The following SLC14A2 variants were observed in gnomAD, a reference collection of about 807,000 sequenced individuals.
SLC14A2 encodes solute carrier family 14 member 2.
In SLC14A2, 91 loss-of-function variants were observed where a neutral mutation model predicts 104.6. The observed-to-expected ratio is 0.87, with a 90% CI of 0.73 to 1.04. The LOEUF (loss-of-function observed/expected upper bound fraction) is 1.04, where lower values mean the gene tolerates loss of function less well. Ranked by LOEUF, SLC14A2 falls within the 50% of genes least tolerant of loss-of-function variation. The pLI is 0.00. For synonymous variants in SLC14A2, 476 were observed against 466.4 expected (o/e 1.02, Z -0.27); for missense variants, 1,189 against 1,156.0 (o/e 1.03, Z -0.41).
At chr18:45,237,528 T>G (rs1005472314) in intron 1 of SLC14A2, among the ~76,000 whole-genome samples, 3 of 152,214 alleles carry the variant, frequency 2.0e-5, no homozygotes, top group Admixed American at 1.3e-4. Context: ...CTCCCCATTC[T>G]CATGCCTCTG....
intron 2 of SLC14A2, among the ~76,000 whole-genome samples, chr18:45,499,398 G>T (rs997368062): frequency 6.6e-6 from 1 of 152,128 alleles, no homozygotes; most frequent in Non-Finnish European, 1.5e-5. Context: ...GTGAGTGCTC[G>T]ACATTCAGAG....
At chr18:45,378,220 A>G (rs2085796168) in intron 1 of SLC14A2, among the ~76,000 whole-genome samples, 1 of 116,504 alleles carries the variant, frequency 8.6e-6, no homozygotes, top group East Asian at 2.0e-4. Flanking sequence ...AGTATTTAGC[A>G]TAGTGTAAAG....
intron 1 of SLC14A2, among the ~76,000 whole-genome samples, chr18:45,362,560 C>G (rs561071731): frequency 6.6e-6 from 1 of 152,304 alleles, no homozygotes; most frequent in African/African-American, 2.4e-5. Context: ...AGTCACACAA[C>G]TAGATGGTGG....
chr18:45,226,987 CCTT>C (rs1303791818), intron 1 of SLC14A2, among the ~76,000 whole-genome samples: 3 of 152,106 alleles, frequency 2.0e-5, no homozygotes, highest in Non-Finnish European at 4.4e-5. Context: ...ATGCTCAGCA[CCTT>C]CTTGTCACAA....
At chr18:45,429,507 G>T (rs2086482106) in intron 1 of SLC14A2, among the ~76,000 whole-genome samples, 1 of 152,192 alleles carries the variant, frequency 6.6e-6, no homozygotes, top group Non-Finnish European at 1.5e-5. Flanking sequence ...AAGCCTTGAG[G>T]AAGAAATCTA....
the SLC14A2 span, among the ~76,000 whole-genome samples, chr18:45,172,566 T>C: frequency 2.0e-5 from 3 of 152,126 alleles, no homozygotes; most frequent in East Asian, 5.8e-4. Context: ...GTGTCTTCCA[T>C]TTGTATAGCA....
chr18:45,186,391 C>T, the SLC14A2 span, among the ~76,000 whole-genome samples: 1 of 151,872 alleles, frequency 6.6e-6, no homozygotes, highest in Non-Finnish European at 1.5e-5. Flanking sequence ...TGGTACGAAA[C>T]AACTGAATAT....
intron 2 of SLC14A2, among the ~76,000 whole-genome samples, chr18:45,567,811 T>A (rs2044288870): frequency 6.6e-6 from 1 of 152,182 alleles, no homozygotes; most frequent in African/African-American, 2.4e-5. Flanking sequence ...TATAAAATGA[T>A]GTTAAAACCT....
chr18:45,572,662 AC>A (rs2044364376), intron 2 of SLC14A2, among the ~76,000 whole-genome samples: 1 of 152,172 alleles, frequency 6.6e-6, no homozygotes, highest in African/African-American at 2.4e-5. Flanking sequence ...TCTCAGTGTG[AC>A]CACTCCAGCT....
At chr18:45,424,723 G>T (rs1209765077) in intron 1 of SLC14A2, among the ~76,000 whole-genome samples, 1 of 152,202 alleles carries the variant, frequency 6.6e-6, no homozygotes. Flanking sequence ...AAGAAGGTAA[G>T]AGACTTTTCA....
At position 45,358,352 on chromosome 18, in the gene SLC14A2, G is replaced by A. The variant is rs183179779; in HGVS notation, c.-124-124881G>A. On this transcript the variant is annotated intron_variant, in intron 1 of 20. Coordinates refer to the SLC14A2 transcript ENST00000586448. ...GATGCCTCGCCCACTTTATATTCCC[G>A]CTACTGGGGCTTCATTTCTATGAAA... 2.2e-3 allele frequency among the ~76,000 whole-genome samples: 341 copies of A among 152,162 alleles called. 2 individuals carry two copies. The highest frequency in any genetic ancestry group is 2.3e-3 in the East Asian group (12 of 5,178).
At chr18:45,378,483 T>C (rs2085798755) in intron 1 of SLC14A2, among the ~76,000 whole-genome samples, 1 of 152,236 alleles carries the variant, frequency 6.6e-6, no homozygotes, top group Admixed American at 6.5e-5. Flanking sequence ...AACTGTGAGA[T>C]GACATGATAG....
At chr18:45,569,009 A>G (rs754628633) in intron 2 of SLC14A2, among the ~76,000 whole-genome samples, 8 of 152,170 alleles carry the variant, frequency 5.3e-5, no homozygotes, top group African/African-American at 1.4e-4. Flanking sequence ...GTAGGATTTA[A>G]ATTAGCTTGA....
intron 1 of SLC14A2, among the ~76,000 whole-genome samples, chr18:45,431,070 T>G (rs548404662): frequency 6.6e-6 from 1 of 152,348 alleles, no homozygotes; most frequent in East Asian, 1.9e-4. Context: ...TTAGATCATT[T>G]ACCTTTTATT....
At chr18:45,497,812 C>T (rs186614397) in intron 2 of SLC14A2, among the ~76,000 whole-genome samples, 15 of 152,216 alleles carry the variant, frequency 9.9e-5, no homozygotes, top group African/African-American at 2.6e-4. Flanking sequence ...TTTTTGGTGA[C>T]GGATCTGTCC....
chr18:45,619,777 C>G (rs529596794), intron 1 of SLC14A2, among the ~76,000 whole-genome samples: 2 of 152,260 alleles, frequency 1.3e-5, no homozygotes, highest in African/African-American at 4.8e-5. Context: ...GAAAGCTGTT[C>G]CGTTTCACAC....
At chr18:45,196,298 T>C in the SLC14A2 span, among the ~76,000 whole-genome samples, 2 of 152,220 alleles carry the variant, frequency 1.3e-5, no homozygotes, top group African/African-American at 4.8e-5. Flanking sequence ...ACGAGTTTGC[T>C]GAGACTTTTT....
In SLC14A2 at chr18:45,227,298, AAAG is replaced by A. The variant is rs769187378; in HGVS notation, c.-125+14111_-125+14113del. Among the ~76,000 whole-genome samples, 34 of 152,312 alleles carry A rather than the reference AAAG, an allele frequency of 2.2e-4. No homozygotes were observed. In the Middle Eastern group the frequency reaches 0.01, roughly 46 times the overall value. ...TGTGAGCTGGGCATTGGATGGTCAAAAAGAAGGACAAAATGCTAAAGGAGAAAG... is the reference window on the plus strand; with the variant it reads ...TGTGAGCTGGGCATTGGATGGTCAAAAAGGACAAAATGCTAAAGGAGAAAG... On this transcript the variant is annotated intron_variant, in intron 1 of 20. Transcript: ENST00000586448.
intron 1 of SLC14A2, among the ~76,000 whole-genome samples, chr18:45,422,939 C>A (rs906642617): frequency 6.6e-6 from 1 of 152,174 alleles, no homozygotes; most frequent in East Asian, 1.9e-4. Flanking sequence ...ATTTCTGCTT[C>A]TTTTTGCTGT....
Sources: gnomAD v4.1 joint callset for allele counts (sites outside exome capture counted in the v4.1 genomes callset) on GRCh38, gnomAD v4.1.1 for gene constraint, MANE v1.5 for transcripts, NCBI Gene and HGNC (gene_info 2026-07-23, HGNC 2026-07-21) for gene names.